PDS5B: variants seen among roughly 807,000 people sequenced by gnomAD.
PDS5B encodes the protein sister chromatid cohesion protein PDS5 homolog B.
PDS5B carries 51 observed loss-of-function variants against 184.1 expected under a neutral mutation model. The observed-to-expected ratio is 0.28, with a 90% CI of 0.22 to 0.35. The LOEUF (loss-of-function observed/expected upper bound fraction) is 0.35. Ranked by LOEUF, PDS5B falls within the 10% of genes least tolerant of loss-of-function variation. PDS5B has a pLI of 1.00. For synonymous variants in PDS5B, 566 were observed against 569.2 expected, an observed-to-expected ratio of 0.99 and a Z score of 0.08; for missense variants, 1,180 against 1,723.3, an observed-to-expected ratio of 0.68 and a Z score of 5.58.
intron 1 of PDS5B, among the ~76,000 whole-genome samples, chr13:32,597,625 G>T (rs1161902513): frequency 6.6e-6 from 1 of 151,720 alleles, no homozygotes. Flanking sequence ...GGGTGCGGGG[G>T]TTGCAAGGTC....
At chr13:32,613,458 TGTG>T (rs2058172086) in intron 1 of PDS5B, among the ~76,000 whole-genome samples, 1 of 152,240 alleles carries the variant, frequency 6.6e-6, no homozygotes, top group South Asian at 2.1e-4. Flanking sequence ...GGTATCACGT[TGTG>T]GTTTTAATTT....
rs1954937000 is a variant in PDS5B, at chr13:32,775,723, G to T, written c.*671G>T. ...AGTTCTTGGATTACTTTACACCTCA[G>T]TATTGATTTGTCCCAGAATTTTCTG... On this transcript the variant is annotated 3_prime_UTR_variant, in exon 35 of 35. Transcript: ENST00000315596. 1 of 442,776 alleles carries T rather than the reference G, an allele frequency of 2.3e-6. No homozygotes were observed. The highest frequency in any genetic ancestry group is 2.0e-5 in the African/African-American group (1 of 49,434). 27.4% of individuals were successfully genotyped at this position (442,776 alleles called of 1,614,324 possible). A position where few individuals can be genotyped will look rare whatever the true frequency, so the allele number is the denominator to read the frequency against.
At chr13:32,716,893 T>C (rs865991539) in intron 19 of PDS5B, among the ~76,000 whole-genome samples, 968 of 70,536 alleles carry the variant, frequency 0.014, 7 homozygotes, top group Middle Eastern at 0.04. Context: ...AGGTGAGGGG[T>C]GCCTTTGCCT....
intron 17 of PDS5B, among the ~76,000 whole-genome samples, 158 bp downstream of exon 17, chr13:32,701,596 GCACACACACA>G (rs34184885): frequency 1.4e-5 from 2 of 142,146 alleles, no homozygotes; most frequent in Non-Finnish European, 3.0e-5. Context: ...ATTTGTATAT[GCACACACACA>G]CACACAGACA....
chr13:32,765,369 C>G (rs915771949), intron 31 of PDS5B, among the ~76,000 whole-genome samples: 1 of 152,126 alleles, frequency 6.6e-6, no homozygotes, highest in Admixed American at 6.5e-5. Context: ...TTCATTGTTA[C>G]GACTTTTGAT....
At chr13:32,718,872 T>G (rs1445255105) in intron 19 of PDS5B, among the ~76,000 whole-genome samples, 1 of 152,214 alleles carries the variant, frequency 6.6e-6, no homozygotes, top group Non-Finnish European at 1.5e-5. Context: ...TTTGCAATGC[T>G]GTAATAATGG....
At chr13:32,650,492 T>C (rs1593336006) in intron 2 of PDS5B, 1 of 152,218 alleles carries the variant, frequency 6.6e-6, no homozygotes, top group Non-Finnish European at 1.5e-5. Flanking sequence ...TTTTTTCCTG[T>C]AACATTTTAT....
In PDS5B at chr13:32,701,204, AC is replaced by A. The variant is rs1183117117; in HGVS notation, c.1741-118del. On this transcript the variant is annotated intron_variant, in intron 16 of 34. Transcript: ENST00000315596. ...TTTTTTCTGGGCTTGTTCAATTCTT[AC>A]AGTTTGTTTATTCCAGCGTCAGTAC... The A allele has an allele frequency of 5.3e-6, 3 of 566,664 alleles. No individual in the cohort carries two copies. In the African/African-American group the frequency reaches 5.7e-5, roughly 11 times the overall value. 35.1% of individuals were successfully genotyped at this position (566,664 alleles called of 1,614,324 possible).
chr13:32,665,478 A>T (rs144812059), intron 6 of PDS5B, among the ~76,000 whole-genome samples: 1 of 146,340 alleles, frequency 6.8e-6, no homozygotes, highest in Non-Finnish European at 1.5e-5. Context: ...AGTCCCAGCT[A>T]CTTTGGAGGC....
chr13:32,624,100 A>G (rs779425640), intron 1 of PDS5B, among the ~76,000 whole-genome samples: 25 of 152,108 alleles, frequency 1.6e-4, no homozygotes, highest in South Asian at 1.2e-3. Flanking sequence ...AGCTCTTTGC[A>G]AAATTGACAC....
intron 15 of PDS5B, among the ~76,000 whole-genome samples, chr13:32,698,224 C>T (rs187908362): frequency 7.5e-4 from 114 of 152,118 alleles, no homozygotes; most frequent in African/African-American, 2.6e-3. Context: ...CCCTTCTTTT[C>T]CCTACCCCCT....
chr13:32,684,370 C>G (rs1211005854), intron 11 of PDS5B, among the ~76,000 whole-genome samples: 3 of 152,104 alleles, frequency 2.0e-5, no homozygotes, highest in African/African-American at 7.2e-5. Context: ...TTTCTTCTTT[C>G]AGGGCTGTTG....
intron 13 of PDS5B, chr13:32,690,877 T>TA (rs1951528578): frequency 6.6e-6 from 1 of 152,124 alleles, no homozygotes; most frequent in Admixed American, 6.6e-5. Flanking sequence ...TTAGGGTACA[T>TA]ATATATCATT....
intron 22 of PDS5B, among the ~76,000 whole-genome samples, chr13:32,742,365 A>C (rs1348127144): frequency 6.6e-6 from 1 of 152,178 alleles, no homozygotes; most frequent in African/African-American, 2.4e-5. Context: ...AAACATTTTA[A>C]AACAGCAAAG....
At position 32,770,689 on chromosome 13, in the gene PDS5B, C is replaced by T. The variant is rs1369578116; in HGVS notation, c.4100C>T (p.Thr1367Ile). ...ESPESSAIES[T>I]QSTPQKGRGR... is the part of the protein sequence containing the mutation. ...CCTGAATCTAGTGCAATTGAATCCA[C>T]ACAGTCCACACCACAGAAAGGACGA... is the stretch of plus-strand genomic sequence containing the variant. The change falls in exon 33 of 35, where the codon ACA (threonine) becomes ATA (isoleucine). Residue 1367 changes from threonine to isoleucine, a missense_variant. Coordinates refer to ENST00000315596, the MANE Select transcript of PDS5B (RefSeq NM_015032.4). 6.2e-7 allele frequency: 1 copy of T among 1,611,574 alleles called. No homozygotes were observed.
intron 11 of PDS5B, among the ~76,000 whole-genome samples, chr13:32,685,888 CCTCGGCCTCCCAA>C: frequency 6.6e-6 from 1 of 151,796 alleles, no homozygotes; most frequent in Non-Finnish European, 1.5e-5. Flanking sequence ...CATCCTCCCA[CCTCGGCCTCCCAA>C]AGTGTTAGGA....
At chr13:32,616,987 A>G (rs1188479989) in intron 1 of PDS5B, among the ~76,000 whole-genome samples, 1 of 152,210 alleles carries the variant, frequency 6.6e-6, no homozygotes, top group Non-Finnish European at 1.5e-5. Flanking sequence ...TCTTTTACCT[A>G]TTAATGTAAT....
At chr13:32,632,436 A>G (rs2058472561) in intron 1 of PDS5B, among the ~76,000 whole-genome samples, 1 of 152,224 alleles carries the variant, frequency 6.6e-6, no homozygotes, top group Non-Finnish European at 1.5e-5. Flanking sequence ...TCATTAGGAA[A>G]ATGAAAATCA....
At chr13:32,661,598 A>T (rs1248637697) in intron 6 of PDS5B, among the ~76,000 whole-genome samples, 3 of 151,958 alleles carry the variant, frequency 2.0e-5, no homozygotes, top group African/African-American at 7.2e-5. Flanking sequence ...AGAAGAGATG[A>T]TATTCAAGTA....
Sources: allele counts gnomAD v4.1 joint callset (sites outside exome capture counted in the v4.1 genomes callset), GRCh38; gene constraint gnomAD v4.1.1; transcripts MANE v1.5; gene names NCBI Gene and HGNC (gene_info 2026-07-23, HGNC 2026-07-21).